The following PSD3 variants were observed in gnomAD, a reference collection of about 807,000 sequenced individuals.
The protein encoded by PSD3 is PH and SEC7 domain-containing protein 3.
In PSD3, 49 loss-of-function variants were observed where a neutral mutation model predicts 105.5. The observed-to-expected ratio is 0.46, with a 90% confidence interval of 0.37 to 0.59. The LOEUF is 0.59. Among genes scored for constraint, PSD3 ranks in the 20% least tolerant of loss-of-function variants. The pLI is 0.00. For synonymous variants in PSD3, 557 were observed against 457.8 expected (o/e 1.22, Z -2.77); for missense variants, 1,561 against 1,263.8 (o/e 1.24, Z -3.57).
intron 8 of PSD3, among the ~76,000 whole-genome samples, chr8:18,780,744 C>T (rs977384148): frequency 1.3e-5 from 2 of 151,904 alleles, no homozygotes; most frequent in South Asian, 2.1e-4. Context: ...TTAGTAGAGA[C>T]GGGGTTTCAC....
At position 18,872,223 on chromosome 8, in the gene PSD3, T is replaced by C. The variant is rs775604017; in HGVS notation, c.641A>G (p.Gln214Arg). ...TTEESFYLSI[Q>R]KDLTALLTGD... ...AGTTAACAGCGCGGTGAGATCTTTC[T>C]GGATGCTCAAATAAAAACTTTCCTC... The change falls in exon 3 of 16, where the codon CAG becomes CGG. Residue 214 changes from glutamine (Q) to arginine (R), a missense_variant. Transcript: ENST00000327040. The C allele has an allele frequency of 1.4e-5, 23 of 1,614,130 alleles. No homozygotes were observed. In the South Asian group the frequency reaches 1.5e-4, roughly 11 times the overall value.
In PSD3 at chr8:18,555,071, G is replaced by A. The variant is rs577951760; in HGVS notation, c.2928+1138C>T. ...CTTTCTTCAGGAGGTAACTGGGGGA[G>A]GGGAATCGGGGAAGCTGTAGGCAGC... On this transcript the variant is annotated intron_variant, in intron 15 of 15. Transcript: ENST00000327040. Among the ~76,000 whole-genome samples, 57 of 152,150 alleles carry A rather than the reference G, an allele frequency of 3.7e-4. 1 individual carries two copies. The highest frequency in any genetic ancestry group is 1.3e-3 in the African/African-American group (55 of 41,508).
chr8:18,720,365 T>C (rs370052178), intron 9 of PSD3, among the ~76,000 whole-genome samples: 74 of 152,198 alleles, frequency 4.9e-4, no homozygotes, highest in African/African-American at 1.7e-3. Context: ...GGTGACTCTT[T>C]GGATTGACAA....
chr8:18,991,126 C>G (rs1472383590), intron 1 of PSD3, among the ~76,000 whole-genome samples: 1 of 152,112 alleles, frequency 6.6e-6, no homozygotes, highest in Admixed American at 6.5e-5. Flanking sequence ...TTCAGTTTTA[C>G]ATAGGGTCTC....
At chr8:18,571,231 C>G (rs1048153275) in intron 14 of PSD3, among the ~76,000 whole-genome samples, 6 of 152,106 alleles carry the variant, frequency 3.9e-5, no homozygotes, top group African/African-American at 1.4e-4. Flanking sequence ...CAAACAAGGC[C>G]TTTCATGATT....
intron 2 of PSD3, among the ~76,000 whole-genome samples, chr8:18,927,752 G>A (rs888822320): frequency 6.6e-6 from 1 of 152,160 alleles, no homozygotes; most frequent in South Asian, 2.1e-4. Context: ...AAGCTACCTA[G>A]GGGCTGACAG....
At position 18,761,220 on chromosome 8, in the gene PSD3, C is replaced by T. The variant is rs79241647; in HGVS notation, c.2172+4229G>A. Among the ~76,000 whole-genome samples the T allele has an allele frequency of 4.7e-3, 715 of 152,238 alleles. 8 individuals carry two copies. The highest frequency in any genetic ancestry group is 0.017 in the African/African-American group (690 of 41,542). ...TTAAGCAAGATTCATTTTCAGTCAA[C>T]GTCACAGGTGCTTCCTTTCAAAGAG... On this transcript the variant is annotated intron_variant, in intron 9 of 15. Transcript: ENST00000327040.
At chr8:18,796,987 A>G (rs1394949550) in intron 8 of PSD3, among the ~76,000 whole-genome samples, 1 of 152,188 alleles carries the variant, frequency 6.6e-6, no homozygotes, top group Admixed American at 6.6e-5. Flanking sequence ...AACAGACACT[A>G]AAACAACAAC....
At chr8:18,950,514 C>CT (rs1447334423) in intron 1 of PSD3, among the ~76,000 whole-genome samples, 3 of 152,126 alleles carry the variant, frequency 2.0e-5, no homozygotes, top group Admixed American at 1.3e-4. Context: ...GCTTTGCACC[C>CT]TCTGGCCATC....
At chr8:18,977,719 T>C (rs1004137802) in intron 1 of PSD3, among the ~76,000 whole-genome samples, 7 of 152,180 alleles carry the variant, frequency 4.6e-5, no homozygotes, top group Non-Finnish European at 1.0e-4. Flanking sequence ...TAAATAAGTG[T>C]ACATTAAAAA....
chr8:18,550,363 C>T (rs1800687146), intron 15 of PSD3, among the ~76,000 whole-genome samples: 1 of 152,154 alleles, frequency 6.6e-6, no homozygotes, highest in Non-Finnish European at 1.5e-5. Flanking sequence ...AATGCAATTC[C>T]AAATGACAAG....
intron 1 of PSD3, among the ~76,000 whole-genome samples, chr8:19,023,587 G>A (rs889906897): frequency 2.7e-5 from 4 of 150,702 alleles, no homozygotes; most frequent in Non-Finnish European, 5.9e-5. Context: ...ATGCATTACC[G>A]CACCCCACTG....
intron 1 of PSD3, among the ~76,000 whole-genome samples, chr8:19,070,709 C>G (rs1286249315): frequency 1.3e-5 from 2 of 151,978 alleles, no homozygotes; most frequent in Non-Finnish European, 2.9e-5. Flanking sequence ...TAAACAGAAG[C>G]ACTACTATTT....
chr8:18,689,865 T>A (rs1019199810), intron 9 of PSD3, among the ~76,000 whole-genome samples: 2 of 152,176 alleles, frequency 1.3e-5, no homozygotes, highest in Non-Finnish European at 2.9e-5. Flanking sequence ...TCAGCAAGAA[T>A]CATCTTCAAT....
At chr8:18,761,086 A>G (rs1383648090) in intron 9 of PSD3, among the ~76,000 whole-genome samples, 1 of 152,204 alleles carries the variant, frequency 6.6e-6, no homozygotes, top group African/African-American at 2.4e-5. Flanking sequence ...CTCTTGTAGC[A>G]TCAAAGAGGG....
chr8:18,879,010 C>T (rs1371856739), intron 2 of PSD3, among the ~76,000 whole-genome samples: 2 of 150,770 alleles, frequency 1.3e-5, no homozygotes, highest in African/African-American at 4.9e-5. Flanking sequence ...ACAGTTTCAA[C>T]TGCCCTCTGG....
At chr8:18,822,962 T>TG in intron 4 of PSD3, among the ~76,000 whole-genome samples, 1 of 151,832 alleles carries the variant, frequency 6.6e-6, no homozygotes, top group Non-Finnish European at 1.5e-5. Flanking sequence ...ACTCCAAAAA[T>TG]GGCAAGCCGA....
intron 10 of PSD3, among the ~76,000 whole-genome samples, chr8:18,639,905 A>C (rs1280278752): frequency 1.3e-5 from 2 of 152,202 alleles, no homozygotes; most frequent in Non-Finnish European, 2.9e-5. Flanking sequence ...GCTCTTCCAT[A>C]AACTTCACTG....
intron 1 of PSD3, among the ~76,000 whole-genome samples, chr8:19,052,191 T>C (rs1469296339): frequency 6.6e-6 from 1 of 152,022 alleles, no homozygotes; most frequent in Non-Finnish European, 1.5e-5. Context: ...TACAGAAAAG[T>C]GGCCGGGCAC....
Sources: allele counts gnomAD v4.1 joint callset (sites outside exome capture counted in the v4.1 genomes callset), GRCh38; gene constraint gnomAD v4.1.1; transcripts MANE v1.5; gene names NCBI Gene and HGNC (gene_info 2026-07-23, HGNC 2026-07-21).